The following MAP3K1 variants were observed in gnomAD, a reference collection of about 807,000 sequenced individuals.
MAP3K1 encodes the protein mitogen-activated protein kinase kinase kinase 1.
In MAP3K1, 36 loss-of-function variants were observed where a neutral mutation model predicts 144.2. That is an observed-to-expected ratio of 0.25 (90% confidence interval 0.19 to 0.33). The LOEUF (loss-of-function observed/expected upper bound fraction) is 0.33. Ranked by LOEUF, MAP3K1 falls within the 10% of genes least tolerant of loss-of-function variation. The pLI is 1.00. For synonymous variants in MAP3K1, 718 were observed against 688.7 expected (o/e 1.04, Z -0.67); for missense variants, 1,650 against 1,881.9 (o/e 0.88, Z 2.28).
At chr5:56,850,296 A>C (rs1209572226) in intron 1 of MAP3K1, among the ~76,000 whole-genome samples, 1 of 152,152 alleles carries the variant, frequency 6.6e-6, no homozygotes. Flanking sequence ...GCCTATCCCA[A>C]ATAATGTATT....
At chr5:56,835,763 GA>G (rs1746635480) in intron 1 of MAP3K1, among the ~76,000 whole-genome samples, 2 of 151,912 alleles carry the variant, frequency 1.3e-5, no homozygotes, top group Non-Finnish European at 2.9e-5. Flanking sequence ...GCACAGAGAG[GA>G]AAAAGTTTTA....
intron 9 of MAP3K1, 30 bp downstream of exon 9, chr5:56,873,035 A>G (rs534545053): frequency 1.3e-6 from 2 of 1,589,806 alleles, no homozygotes; most frequent in Non-Finnish European, 1.7e-6. Context: ...TCATTTCTCA[A>G]AGAAATATTT....
chr5:56,842,127 A>T (rs1002479197), intron 1 of MAP3K1: 4 of 152,184 alleles, frequency 2.6e-5, no homozygotes, highest in African/African-American at 9.7e-5. Context: ...TTCTGGCTAG[A>T]GCTTCTTCTC....
At position 56,888,261 on chromosome 5, in the gene MAP3K1, T is replaced by C. The variant is rs772896868; in HGVS notation, c.4293T>C (p.Asp1431=). 1 of 1,613,810 alleles carries C rather than the reference T, an allele frequency of 6.2e-7. No individual in the cohort carries two copies. The highest frequency in any genetic ancestry group is 1.7e-4 in the Middle Eastern group (1 of 6,058). The change falls in exon 19 of 20, where the codon GAT becomes GAC. Residue 1431 remains aspartate (D), a synonymous_variant. Coordinates refer to ENST00000399503, the MANE Select transcript of MAP3K1 (RefSeq NM_005921.2). The part of the protein sequence containing the change: ...LRGQQYGRSC[D]VWSVGCAIIE... ...GTCAACAGTATGGAAGGAGCTGTGA[T>C]GTATGGAGTGTTGGCTGTGCTATTA...
rs1187238728 is a variant in MAP3K1, at chr5:56,895,476, A to G, written c.*1796A>G. 4.3e-6 allele frequency: 1 copy of G among 231,190 alleles called. No homozygotes were observed. The highest frequency in any genetic ancestry group is 5.6e-5 in the Admixed American group (1 of 17,716). 14.3% of individuals were successfully genotyped at this position (231,190 alleles called of 1,614,324 possible). On this transcript the variant is annotated 3_prime_UTR_variant, in exon 20 of 20. Coordinates refer to ENST00000399503, the MANE Select transcript of MAP3K1 (RefSeq NM_005921.2). ...GCACTCTTGCCATTTTATGTACTGG[A>G]AGATCATTGGTCAGATGAATACTGT...
chr5:56,872,411 A>C (rs1022744751), intron 7 of MAP3K1, among the ~76,000 whole-genome samples: 1 of 152,352 alleles, frequency 6.6e-6, no homozygotes, highest in Admixed American at 6.5e-5. Context: ...CAAACAGGGC[A>C]GAATGTTTTG....
At chr5:56,853,468 A>G (rs936229974) in intron 1 of MAP3K1, among the ~76,000 whole-genome samples, 1 of 152,216 alleles carries the variant, frequency 6.6e-6, no homozygotes, top group African/African-American at 2.4e-5. Flanking sequence ...ATAAGTGATC[A>G]TTCACTTAAT....
intron 6 of MAP3K1, among the ~76,000 whole-genome samples, chr5:56,867,959 C>T (rs952891424): frequency 2.0e-5 from 3 of 152,006 alleles, no homozygotes; most frequent in Non-Finnish European, 4.4e-5. Context: ...GGGAAAATGT[C>T]GATAAGTAAA....
chr5:56,851,790 G>A (rs1188929268), intron 1 of MAP3K1, among the ~76,000 whole-genome samples: 1 of 152,140 alleles, frequency 6.6e-6, no homozygotes, highest in African/African-American at 2.4e-5. Flanking sequence ...GATGTATAAA[G>A]CACCTTAAGC....
chr5:56,832,865 TTTTTG>T (rs1382797805), intron 1 of MAP3K1, among the ~76,000 whole-genome samples: 1 of 152,160 alleles, frequency 6.6e-6, no homozygotes, highest in Non-Finnish European at 1.5e-5. Context: ...GCATTTTAAG[TTTTTG>T]TTTTGTTTTG....
intron 6 of MAP3K1, among the ~76,000 whole-genome samples, chr5:56,870,727 A>C (rs1265687021): frequency 6.6e-6 from 1 of 152,098 alleles, no homozygotes; most frequent in East Asian, 1.9e-4. Flanking sequence ...TTTTCTTTTC[A>C]TGGCTGTATA....
chr5:56,870,581 T>G (rs955741560), intron 6 of MAP3K1, among the ~76,000 whole-genome samples: 14 of 152,164 alleles, frequency 9.2e-5, no homozygotes, highest in African/African-American at 3.1e-4. Flanking sequence ...CGTTCCCCCA[T>G]CCATGTTTCT....
chr5:56,866,489 G>A (rs185208371), intron 6 of MAP3K1, among the ~76,000 whole-genome samples: 9 of 152,208 alleles, frequency 5.9e-5, no homozygotes, highest in African/African-American at 9.6e-5. Flanking sequence ...GTATATAGAC[G>A]TTTTGTGCTA....
At position 56,870,390 on chromosome 5, in the gene MAP3K1, C is replaced by G. The variant is rs149828666; in HGVS notation, c.1302-1520C>G. 3.9e-5 allele frequency among the ~76,000 whole-genome samples: 6 copies of G among 152,204 alleles called. No homozygotes were observed. In the East Asian group the frequency reaches 1.2e-3, roughly 29 times the overall value. ...TACGGCTATTGATTTTAAAAGCCAT[C>G]CCTCACATCATGAAGGTTTAAATAA... On this transcript the variant is annotated intron_variant, in intron 6 of 19. Transcript: ENST00000399503.
rs1380357339 is a variant in MAP3K1 at position 56,893,451 on chromosome 5, G to A, written c.4390-80G>A. ...CTCTGTTCAGGATGTAAATGTAAGG[G>A]TTATGAGGTCTATGCACATGTGTTT... On this transcript the variant is annotated intron_variant, in intron 19 of 19. Coordinates refer to ENST00000399503, the MANE Select transcript of MAP3K1 (RefSeq NM_005921.2). 15 of 1,392,658 alleles carry A rather than the reference G, an allele frequency of 1.1e-5. 1 individual carries two copies. The East Asian group carries it at 2.1e-4, about 19-fold the overall frequency. 86.3% of individuals were successfully genotyped at this position (1,392,658 alleles called of 1,614,324 possible).
At position 56,879,165 on chromosome 5, in the gene MAP3K1, C is replaced by G. The variant is rs1463932018; in HGVS notation, c.2087+64C>G. 6.3e-6 allele frequency: 10 copies of G among 1,579,112 alleles called. No individual in the cohort carries two copies. The African/African-American group carries it at 1.2e-4, about 19-fold the overall frequency. The stretch of plus-strand genomic sequence containing the variant: ...CTTAAAAGTGCCTCGCAGCAAGCCT[C>G]ACACCTAGTGTGAATATCTGATACA... On this transcript the variant is annotated intron_variant, in intron 11 of 19. Transcript: ENST00000399503.
intron 19 of MAP3K1, 112 bp downstream of exon 19, chr5:56,888,469 T>C (rs922749482): frequency 4.4e-6 from 4 of 903,544 alleles, no homozygotes; most frequent in Non-Finnish European, 7.1e-6. Context: ...GGTAAATAAA[T>C]AGTCTGTATA....
At chr5:56,821,329 A>G (rs1402102932) in intron 1 of MAP3K1, among the ~76,000 whole-genome samples, 3 of 152,214 alleles carry the variant, frequency 2.0e-5, no homozygotes, top group African/African-American at 7.2e-5. Flanking sequence ...CACCAAGTGT[A>G]TAATTCTGCA....
chr5:56,817,963 A>T (rs960822852), intron 1 of MAP3K1, among the ~76,000 whole-genome samples: 1 of 152,192 alleles, frequency 6.6e-6, no homozygotes, highest in African/African-American at 2.4e-5. Flanking sequence ...TTTGTAACCG[A>T]GGTTTTTTCC....
Sources: gnomAD v4.1 joint callset for allele counts (sites outside exome capture counted in the v4.1 genomes callset) on GRCh38, gnomAD v4.1.1 for gene constraint, MANE v1.5 for transcripts, NCBI Gene and HGNC (gene_info 2026-07-23, HGNC 2026-07-21) for gene names.